CD226: variants seen among roughly 807,000 people sequenced by gnomAD.
The protein encoded by CD226 is CD226 molecule.
In CD226, 24 loss-of-function variants were observed where a neutral mutation model predicts 34.9. That is an observed-to-expected ratio of 0.69 (90% CI 0.50 to 0.97). The LOEUF (loss-of-function observed/expected upper bound fraction) is 0.97, where lower values mean the gene tolerates loss of function less well. Among genes scored for constraint, CD226 ranks in the 50% least tolerant of loss-of-function variants. The pLI is 0.00. For synonymous variants in CD226, 148 were observed against 147.4 expected (o/e 1.00, Z -0.03); for missense variants, 397 against 412.7 (o/e 0.96, Z 0.33).
rs568614655 is a variant in CD226 at position 69,873,483 on chromosome 18, C to CA, written c.728-238dup. Among the ~76,000 whole-genome samples the CA allele has an allele frequency of 4.5e-3, 615 of 135,606 alleles. 6 individuals are homozygous for CA. Among genetic ancestry groups the CA allele is most frequent in the Admixed American group, 8.7e-3 (114 of 13,154 alleles). The allele number at this position is 135,606 out of a possible 152,430, so 89.0% of individuals were successfully genotyped here. A position where few individuals can be genotyped will look rare whatever the true frequency, so the allele number is the denominator to read the frequency against. On this transcript the variant is annotated intron_variant, in intron 3 of 5. Transcript: ENST00000582621. ...TGATTAAGCTGAGTTTTACACATTA[C>CA]AAAAAAAAAAAATATAAAGAGCATG...
chr18:69,873,365 C>A, intron 3 of CD226, 119 bp from the exon 4 acceptor site: 5 of 574,660 alleles, frequency 8.7e-6, no homozygotes, highest in Middle Eastern at 4.4e-4. Context: ...AAGAATCCAA[C>A]AAAAAAAATA....
intron 2 of CD226, among the ~76,000 whole-genome samples, chr18:69,900,119 T>C (rs2145256829): frequency 6.6e-6 from 1 of 152,368 alleles, no homozygotes; most frequent in East Asian, 1.9e-4. Flanking sequence ...AATGAGATCA[T>C]ATGTTTTGTG....
chr18:69,919,284 C>T (rs1045497339), intron 2 of CD226, among the ~76,000 whole-genome samples: 3 of 152,086 alleles, frequency 2.0e-5, no homozygotes, highest in Non-Finnish European at 4.4e-5. Flanking sequence ...AGAAAAATAA[C>T]GGAGCAACCC....
chr18:69,902,644 C>A (rs1342482139), intron 2 of CD226, among the ~76,000 whole-genome samples: 1 of 151,652 alleles, frequency 6.6e-6, no homozygotes, highest in Non-Finnish European at 1.5e-5. Flanking sequence ...AGCCTATCTA[C>A]TCTCCTTGTT....
intron 2 of CD226, among the ~76,000 whole-genome samples, chr18:69,904,166 C>T (rs944224316): frequency 2.0e-5 from 3 of 152,070 alleles, no homozygotes; most frequent in African/African-American, 4.8e-5. Context: ...AAACACAACC[C>T]GACAAAGCCA....
chr18:69,924,593 A>C (rs1263532733), intron 2 of CD226, among the ~76,000 whole-genome samples: 5 of 149,532 alleles, frequency 3.3e-5, no homozygotes, highest in Non-Finnish European at 4.5e-5. Context: ...GTCCAGGGAA[A>C]ATATATGCCA....
At chr18:69,913,543 T>G (rs1039001886) in intron 2 of CD226, among the ~76,000 whole-genome samples, 1 of 152,190 alleles carries the variant, frequency 6.6e-6, no homozygotes, top group Non-Finnish European at 1.5e-5. Flanking sequence ...ATGCATTACA[T>G]GTGAACATTA....
intron 2 of CD226, among the ~76,000 whole-genome samples, chr18:69,927,618 G>A (rs2055539290): frequency 1.3e-5 from 2 of 151,874 alleles, no homozygotes; most frequent in South Asian, 4.2e-4. Flanking sequence ...TCATATAAGT[G>A]GAATCACAAA....
chr18:69,959,390 C>T (rs2145393645), upstream of CD226, among the ~76,000 whole-genome samples: 1 of 152,290 alleles, frequency 6.6e-6, no homozygotes, highest in African/African-American at 2.4e-5. Flanking sequence ...AAAGCAAAGA[C>T]ACTCTTCAAC....
chr18:69,947,174 T>C (rs968263678), intron 1 of CD226, 105 bp from the exon 2 acceptor site: 58 of 1,030,546 alleles, frequency 5.6e-5, no homozygotes, highest in Non-Finnish European at 8.4e-5. Context: ...CAGTAAAGGC[T>C]GACAGTTTCT....
chr18:69,940,650 T>C (rs1171864478), intron 2 of CD226, among the ~76,000 whole-genome samples: 2 of 152,142 alleles, frequency 1.3e-5, no homozygotes, highest in Non-Finnish European at 2.9e-5. Flanking sequence ...TTGAGAGAGA[T>C]AATTTAGGGT....
intron 2 of CD226, among the ~76,000 whole-genome samples, chr18:69,903,818 G>A (rs1306646026): frequency 1.2e-4 from 18 of 152,070 alleles, no homozygotes; most frequent in Non-Finnish European, 4.4e-5. Flanking sequence ...CCTTCACTTT[G>A]GACTTCAAAC....
chr18:69,959,230 A>G (rs2055918416), upstream of CD226, among the ~76,000 whole-genome samples: 1 of 152,252 alleles, frequency 6.6e-6, no homozygotes, highest in Non-Finnish European at 1.5e-5. Flanking sequence ...CCTCCAGAGA[A>G]CAGATGTCCT....
intron 4 of CD226, among the ~76,000 whole-genome samples, chr18:69,872,212 T>C (rs1268452388): frequency 6.6e-6 from 1 of 152,050 alleles, no homozygotes; most frequent in African/African-American, 2.4e-5. Context: ...AAAAGTGTGG[T>C]CCCTTCCTCC....
chr18:69,921,244 C>T (rs919240992), intron 2 of CD226, among the ~76,000 whole-genome samples: 13 of 152,122 alleles, frequency 8.5e-5, no homozygotes, highest in Admixed American at 8.5e-4. Context: ...ACAATCACCA[C>T]CATTAATCAC....
At chr18:69,952,634 G>A (rs2055863994), upstream of CD226, among the ~76,000 whole-genome samples, 1 of 152,146 alleles carries the variant, frequency 6.6e-6, no homozygotes, top group South Asian at 2.1e-4. Flanking sequence ...TAAGACCTCA[G>A]ACTGTAGAAA....
At chr18:69,919,614 T>C (rs2055427028) in intron 2 of CD226, among the ~76,000 whole-genome samples, 1 of 152,164 alleles carries the variant, frequency 6.6e-6, no homozygotes, top group Non-Finnish European at 1.5e-5. Context: ...CAAAACATAA[T>C]ATCTGTCTGT....
upstream of CD226, among the ~76,000 whole-genome samples, chr18:69,959,851 G>A (rs752118553): frequency 1.3e-5 from 2 of 152,084 alleles, no homozygotes; most frequent in Non-Finnish European, 1.5e-5. Context: ...CTCCCAACAC[G>A]ATGCAGCAGG....
intron 4 of CD226, among the ~76,000 whole-genome samples, chr18:69,869,806 T>C (rs946528298): frequency 3.4e-5 from 5 of 145,458 alleles, no homozygotes; most frequent in African/African-American, 1.3e-4. Flanking sequence ...TTTCTTTTTT[T>C]TTTTTTTTTT....
Sources: allele counts gnomAD v4.1 joint callset (sites outside exome capture counted in the v4.1 genomes callset), GRCh38; gene constraint gnomAD v4.1.1; transcripts MANE v1.5; gene names NCBI Gene and HGNC (gene_info 2026-07-23, HGNC 2026-07-21).